FHIT: variants seen among roughly 807,000 people sequenced by gnomAD.
FHIT encodes fragile histidine triad diadenosine triphosphatase.
In FHIT, 19 loss-of-function variants were observed where a neutral mutation model predicts 17.9. That is an observed-to-expected ratio of 1.06 (90% CI 0.74 to 1.56). The LOEUF is 1.56. Among genes scored for constraint, FHIT ranks in the 40% most tolerant of loss-of-function variants. The pLI is 0.00. For missense variants in FHIT, 248 were observed against 189.2 expected (o/e 1.31, Z -1.82); for synonymous variants, 81 against 69.7 (o/e 1.16, Z -0.81).
intron 5 of FHIT, among the ~76,000 whole-genome samples, chr3:60,270,826 G>A (rs1249841571): frequency 6.6e-6 from 1 of 152,168 alleles, no homozygotes; most frequent in African/African-American, 2.4e-5. Flanking sequence ...AGGAACACCG[G>A]CAAGGATTTT....
intron 8 of FHIT, among the ~76,000 whole-genome samples, chr3:59,834,382 CAGAT>C (rs1375344211): frequency 2.0e-5 from 3 of 152,010 alleles, no homozygotes; most frequent in Non-Finnish European, 4.4e-5. Flanking sequence ...GACAGACAGA[CAGAT>C]AGGTAACTTA....
At chr3:60,916,495 T>C (rs1048553667) in intron 3 of FHIT, among the ~76,000 whole-genome samples, 2 of 152,220 alleles carry the variant, frequency 1.3e-5, no homozygotes, top group Non-Finnish European at 2.9e-5. Flanking sequence ...CCATTTTTGC[T>C]TATAACCATA....
At chr3:60,690,680 T>C (rs1455667192) in intron 4 of FHIT, 2 of 476,636 alleles carry the variant, frequency 4.2e-6, no homozygotes, top group South Asian at 1.7e-5. Context: ...AAGGGCTCGC[T>C]ATTGACAGCA....
At chr3:60,140,639 C>T (rs191470824) in intron 5 of FHIT, among the ~76,000 whole-genome samples, 1 of 147,002 alleles carries the variant, frequency 6.8e-6, no homozygotes, top group Non-Finnish European at 1.5e-5. Flanking sequence ...AGTGCAATGG[C>T]GTGATCTCAG....
At chr3:60,505,743 G>A (rs2034702802) in intron 5 of FHIT, among the ~76,000 whole-genome samples, 1 of 152,138 alleles carries the variant, frequency 6.6e-6, no homozygotes, top group Non-Finnish European at 1.5e-5. Flanking sequence ...GATTATCTTG[G>A]CCAAGATGTT....
At chr3:60,810,298 T>C (rs1216213640) in intron 4 of FHIT, among the ~76,000 whole-genome samples, 6 of 152,198 alleles carry the variant, frequency 3.9e-5, no homozygotes, top group African/African-American at 1.4e-4. Context: ...GAATAGTCCT[T>C]TAGTCAAAAC....
At chr3:59,943,626 T>C (rs1260560592) in intron 7 of FHIT, among the ~76,000 whole-genome samples, 2 of 152,182 alleles carry the variant, frequency 1.3e-5, no homozygotes, top group African/African-American at 4.8e-5. Flanking sequence ...TATGAGGCCC[T>C]GGCATGAAGA....
At chr3:60,844,699 G>A (rs1371624374) in intron 3 of FHIT, among the ~76,000 whole-genome samples, 1 of 152,076 alleles carries the variant, frequency 6.6e-6, no homozygotes, top group Non-Finnish European at 1.5e-5. Flanking sequence ...AATCATATTT[G>A]TGACAATCTT....
At chr3:60,136,039 C>A (rs1699801694) in intron 5 of FHIT, among the ~76,000 whole-genome samples, 1 of 152,152 alleles carries the variant, frequency 6.6e-6, no homozygotes, top group African/African-American at 2.4e-5. Flanking sequence ...ATTGCCTCCA[C>A]TAAACTGTAA....
At chr3:59,802,698 A>G (rs141397297) in intron 8 of FHIT, among the ~76,000 whole-genome samples, 4 of 152,140 alleles carry the variant, frequency 2.6e-5, no homozygotes, top group African/African-American at 4.8e-5. Context: ...TGCTCACATA[A>G]AGCCTATTGG....
intron 8 of FHIT, among the ~76,000 whole-genome samples, chr3:59,826,444 T>C (rs924670532): frequency 6.6e-6 from 1 of 152,276 alleles, no homozygotes; most frequent in Non-Finnish European, 1.5e-5. Flanking sequence ...TTATTTACTA[T>C]GTTTACAGTT....
At chr3:59,823,645 C>T (rs918811280) in intron 8 of FHIT, among the ~76,000 whole-genome samples, 1 of 152,114 alleles carries the variant, frequency 6.6e-6, no homozygotes, top group Non-Finnish European at 1.5e-5. Context: ...CAAAATCCAG[C>T]ATTGCTTTAT....
chr3:60,411,721 A>G (rs1702068384), intron 5 of FHIT, among the ~76,000 whole-genome samples: 1 of 152,178 alleles, frequency 6.6e-6, no homozygotes, highest in African/African-American at 2.4e-5. Flanking sequence ...GTTGTTAACA[A>G]AAAAGAAAAT....
At chr3:59,886,204 C>T (rs1703616702) in intron 8 of FHIT, 1 of 152,178 alleles carries the variant, frequency 6.6e-6, no homozygotes, top group Non-Finnish European at 1.5e-5. Context: ...TGGAAAAAGG[C>T]AGTGTTCATT....
chr3:59,925,283 T>A (rs1469630845), intron 7 of FHIT, among the ~76,000 whole-genome samples: 1 of 152,134 alleles, frequency 6.6e-6, no homozygotes, highest in Non-Finnish European at 1.5e-5. Flanking sequence ...TTTTTTCATA[T>A]TTTTAGCAAT....
At chr3:60,662,478 C>T (rs1577042095) in intron 4 of FHIT, among the ~76,000 whole-genome samples, 1 of 152,172 alleles carries the variant, frequency 6.6e-6, no homozygotes, top group South Asian at 2.1e-4. Context: ...TAATGAGATG[C>T]CTCCAGATTT....
At chr3:60,038,358 T>C (rs7433134) in intron 5 of FHIT, among the ~76,000 whole-genome samples, 96,961 of 152,014 alleles carry the variant, frequency 0.64, 31,634 homozygotes, top group Middle Eastern at 0.8. Context: ...GCCAAGCCTA[T>C]TATATTAGGA....
chr3:60,311,391 G>A (rs1477533786), intron 5 of FHIT, among the ~76,000 whole-genome samples: 1 of 152,080 alleles, frequency 6.6e-6, no homozygotes, highest in South Asian at 2.1e-4. Context: ...TCAGGGTACT[G>A]CATCAGGAGA....
intron 5 of FHIT, among the ~76,000 whole-genome samples, chr3:60,515,467 G>A (rs2035117030): frequency 1.3e-5 from 2 of 150,096 alleles, no homozygotes; most frequent in South Asian, 4.2e-4. Flanking sequence ...CATTTCAAGA[G>A]TAGCCTCACC....
Sources: gnomAD v4.1 joint callset for allele counts (sites outside exome capture counted in the v4.1 genomes callset) on GRCh38, gnomAD v4.1.1 for gene constraint, MANE v1.5 for transcripts, NCBI Gene and HGNC (gene_info 2026-07-23, HGNC 2026-07-21) for gene names.